UBXN7: variants seen among roughly 807,000 people sequenced by gnomAD.
The protein encoded by UBXN7 is UBX domain-containing protein 7.
UBXN7 carries 9 observed loss-of-function variants against 58.0 expected under a neutral mutation model. The ratio of observed to expected loss-of-function variants is 0.16; its 90% CI spans 0.09 to 0.27. The LOEUF (loss-of-function observed/expected upper bound fraction) is 0.27, where lower values mean the gene tolerates loss of function less well. Ranked by LOEUF, UBXN7 falls within the 10% of genes least tolerant of loss-of-function variation. The probability of loss-of-function intolerance (pLI) is 1.00; values close to 1 mark genes in which losing one functional copy is unlikely to be tolerated. For missense variants in UBXN7, 328 were observed against 599.6 expected (o/e 0.55, Z 4.73); for synonymous variants, 208 against 205.0 (o/e 1.01, Z -0.12).
rs1728178769 is a variant in UBXN7, at chr3:196,350,184, T to C, written c.*6501A>G. ...TACAGGAATGCTAAATTATGTTTAT[T>C]AAAGTAGTTCAAATTGGATTGCCCA... On this transcript the variant is annotated 3_prime_UTR_variant, in exon 11 of 11. Transcript: ENST00000296328. 6.6e-6 allele frequency: 1 copy of C among 152,274 alleles called. No homozygotes were observed. Among genetic ancestry groups the C allele is most frequent in the African/African-American group, 2.4e-5 (1 of 41,476 alleles). The allele number at this position is 152,274 out of a possible 1,614,324, so 9.4% of individuals were successfully genotyped here.
At chr3:196,411,683 C>T (rs1013694407) in intron 1 of UBXN7, among the ~76,000 whole-genome samples, 28 of 151,666 alleles carry the variant, frequency 1.8e-4, no homozygotes, top group African/African-American at 5.6e-4. Context: ...TGGTGGCAGG[C>T]GCCTGTAATC....
intron 5 of UBXN7, among the ~76,000 whole-genome samples, chr3:196,379,034 G>A (rs1172688188): frequency 7.6e-6 from 1 of 132,158 alleles, no homozygotes; most frequent in East Asian, 2.3e-4. Flanking sequence ...TGTTGGTTTT[G>A]GGGGATTTTA....
rs145343442 is a variant in UBXN7, at chr3:196,370,277, TTTTGTTTG to T, written c.616-774_616-767del. ...CTCCACGAGAAGTTTTTTTGTTTTT[TTTTGTTTG>T]TTTGTTTGTTTTTAAATTAGCCAGG... On this transcript the variant is annotated intron_variant, in intron 6 of 10. Transcript: ENST00000296328. Among the ~76,000 whole-genome samples the T allele has an allele frequency of 8.6e-4, 129 of 149,136 alleles. 1 individual carries two copies. Among genetic ancestry groups the T allele is most frequent in the African/African-American group, 2.5e-3 (101 of 40,666 alleles).
intron 1 of UBXN7, 173 bp downstream of exon 1, chr3:196,432,154 T>C (rs1287459312): frequency 1.5e-5 from 13 of 864,254 alleles, no homozygotes; most frequent in South Asian, 8.7e-5. Context: ...GGGGGCTGTC[T>C]CCCGCCTGAA....
At chr3:196,362,208 G>C (rs1728524636) in intron 9 of UBXN7, 86 bp downstream of exon 9, 2 of 1,477,626 alleles carry the variant, frequency 1.4e-6, no homozygotes, top group African/African-American at 1.4e-5. Flanking sequence ...TGGCGAGGCT[G>C]GTCTTGGAAC....
intron 5 of UBXN7, among the ~76,000 whole-genome samples, chr3:196,382,380 G>GC (rs1383293365): frequency 1.3e-5 from 2 of 152,140 alleles, no homozygotes; most frequent in African/African-American, 4.8e-5. Context: ...TTCATATCCA[G>GC]CCAAACTAAG....
At chr3:196,362,864 T>C (rs1353184018) in intron 8 of UBXN7, among the ~76,000 whole-genome samples, 177 bp from the exon 9 acceptor site, 1 of 152,118 alleles carries the variant, frequency 6.6e-6, no homozygotes, top group Non-Finnish European at 1.5e-5. Context: ...GAGATATATA[T>C]ATGTGTGTGT....
intron 1 of UBXN7, among the ~76,000 whole-genome samples, chr3:196,430,577 G>C (rs977772695): frequency 6.6e-6 from 1 of 151,804 alleles, no homozygotes; most frequent in African/African-American, 2.4e-5. Flanking sequence ...TGTAGAGATG[G>C]GGCCTCACTA....
At chr3:196,385,861 AC>A (rs923147496) in intron 5 of UBXN7, among the ~76,000 whole-genome samples, 53 of 151,790 alleles carry the variant, frequency 3.5e-4, no homozygotes, top group African/African-American at 1.3e-3. Context: ...CCCGGCCGCC[AC>A]CCCATCTGGG....
chr3:196,362,258 T>C (rs1463165749), intron 9 of UBXN7, 36 bp downstream of exon 9: 5 of 1,548,780 alleles, frequency 3.2e-6, no homozygotes, highest in Non-Finnish European at 4.3e-6. Flanking sequence ...CCCCAATATC[T>C]AAGTTTGAAG....
chr3:196,429,339 A>C (rs1415749500), intron 1 of UBXN7, among the ~76,000 whole-genome samples: 5 of 152,114 alleles, frequency 3.3e-5, no homozygotes, highest in African/African-American at 9.7e-5. Flanking sequence ...AAAAAAAAAA[A>C]ACATCAGTCA....
At chr3:196,368,445 T>C (rs56153162) in intron 7 of UBXN7, among the ~76,000 whole-genome samples, 1 of 152,232 alleles carries the variant, frequency 6.6e-6, no homozygotes. Context: ...TTTCAGCATA[T>C]GCATACATTA....
Position 196,413,420 on chromosome 3 carries a change from G to C in UBXN7, c.74-6027C>G, listed in dbSNP as rs138884007. Reference sequence around the variant, plus strand: ...ATTGAAAAAACAAACACCCTTTTTGGGAAATTTAGAGAAAATCGCCTTTCA... The same window carrying C: ...ATTGAAAAAACAAACACCCTTTTTGCGAAATTTAGAGAAAATCGCCTTTCA... On this transcript the variant is annotated intron_variant, in intron 1 of 10. Coordinates refer to ENST00000296328, the MANE Select transcript of UBXN7 (RefSeq NM_015562.2). Among the ~76,000 whole-genome samples, 6 of 152,174 alleles carry C rather than the reference G, an allele frequency of 3.9e-5. No homozygotes were observed. In the East Asian group the frequency reaches 1.2e-3, roughly 29 times the overall value.
chr3:196,396,578 C>T (rs1454956065), intron 3 of UBXN7, among the ~76,000 whole-genome samples: 6 of 151,794 alleles, frequency 4.0e-5, no homozygotes, highest in Admixed American at 2.0e-4. Flanking sequence ...CTGGCTAACA[C>T]GGTGAAACCC....
At chr3:196,408,739 A>C (rs1270713713) in intron 1 of UBXN7, among the ~76,000 whole-genome samples, 2 of 152,156 alleles carry the variant, frequency 1.3e-5, no homozygotes, top group Non-Finnish European at 2.9e-5. Context: ...CAGCATTCCA[A>C]TGTCCTCTGG....
At position 196,422,042 on chromosome 3, in the gene UBXN7, A is replaced by C. The variant is rs148083505; in HGVS notation, c.73+10285T>G. On this transcript the variant is annotated intron_variant, in intron 1 of 10. Transcript: ENST00000296328. ...GGTGAAACCCTAGTCTCTAGTAAAA[A>C]TACAAAAATTATCCAGGCAAGGTGG... 1.3e-3 allele frequency among the ~76,000 whole-genome samples: 195 copies of C among 151,338 alleles called. 2 individuals carry two copies. The highest frequency in any genetic ancestry group is 4.6e-3 in the African/African-American group (189 of 41,260).
Position 196,396,167 on chromosome 3 carries a change from T to A in UBXN7, c.290-2548A>T, listed in dbSNP as rs1224707021. ...ATTCAAGAAAAAGCAAGAAATGTCA[T>A]ACTTTTCAATCTTAGAACTATTTTT... On this transcript the variant is annotated intron_variant, in intron 3 of 10. Coordinates refer to ENST00000296328, the MANE Select transcript of UBXN7 (RefSeq NM_015562.2). Among the ~76,000 whole-genome samples the A allele has an allele frequency of 2.6e-5, 4 of 152,150 alleles. No homozygotes were observed. The East Asian group carries it at 7.7e-4, about 29-fold the overall frequency.
At chr3:196,420,637 A>G (rs544308786) in intron 1 of UBXN7, among the ~76,000 whole-genome samples, 3 of 152,124 alleles carry the variant, frequency 2.0e-5, no homozygotes, top group Non-Finnish European at 4.4e-5. Flanking sequence ...TCTATACTCC[A>G]TGACAGGAGT....
In UBXN7 at chr3:196,376,815, G is replaced by T. The variant is rs187314040; in HGVS notation, c.469-4773C>A. Among the ~76,000 whole-genome samples, 12 of 151,984 alleles carry T rather than the reference G, an allele frequency of 7.9e-5. 1 individual carries two copies. The highest frequency in any genetic ancestry group is 2.9e-4 in the African/African-American group (12 of 41,470). ...AATCTCAGAACTCTGGGAGGCCAAG[G>T]CTGGTTAATCACTGGAGCTCAGGAG... On this transcript the variant is annotated intron_variant, in intron 5 of 10. Transcript: ENST00000296328.
Sources: gnomAD v4.1 joint callset for allele counts (sites outside exome capture counted in the v4.1 genomes callset) on GRCh38, gnomAD v4.1.1 for gene constraint, MANE v1.5 for transcripts, NCBI Gene and HGNC (gene_info 2026-07-23, HGNC 2026-07-21) for gene names.